Variants in RAB11FIP5 observed in about 807,000 individuals in gnomAD.
RAB11FIP5 encodes rab11 family-interacting protein 5.
RAB11FIP5 carries 48 observed loss-of-function variants against 85.1 expected under a neutral mutation model. The observed-to-expected ratio is 0.56, with a 90% CI of 0.45 to 0.72. The LOEUF (loss-of-function observed/expected upper bound fraction) is 0.72, where lower values mean the gene tolerates loss of function less well. Among genes scored for constraint, RAB11FIP5 ranks in the 30% least tolerant of loss-of-function variants. The probability of loss-of-function intolerance (pLI) is 0.00; values close to 1 mark genes in which losing one functional copy is unlikely to be tolerated. For missense variants in RAB11FIP5, 1,491 were observed against 1,687.0 expected (o/e 0.88, Z 2.04); for synonymous variants, 729 against 727.3 (o/e 1.00, Z -0.04).
chr2:73,107,092 G>A lies in RAB11FIP5; in HGVS notation c.431+5255C>T, dbSNP rs567609232. Among the ~76,000 whole-genome samples, 7 of 152,314 alleles carry A rather than the reference G, an allele frequency of 4.6e-5. No individual in the cohort carries two copies. In the East Asian group the frequency reaches 1.4e-3, roughly 29 times the overall value. On this transcript the variant is annotated intron_variant, in intron 1 of 5. Coordinates refer to ENST00000486777, the MANE Select transcript of RAB11FIP5 (RefSeq NM_001371272.1). ...ATAACCTCAGGCCAGCTCAGTAAGG[G>A]CACTGTGATCAGACTCTTCCCTGAA...
intron 1 of RAB11FIP5, among the ~76,000 whole-genome samples, chr2:73,092,007 G>GT (rs1553364834): frequency 1.3e-5 from 2 of 152,210 alleles, no homozygotes; most frequent in Non-Finnish European, 2.9e-5. Context: ...ACTGGAGGAT[G>GT]TATGTGAGGG....
Position 73,109,026 on chromosome 2 carries a change from C to T in RAB11FIP5, c.431+3321G>A, listed in dbSNP as rs562185879. Among the ~76,000 whole-genome samples, 9 of 151,556 alleles carry T rather than the reference C, an allele frequency of 5.9e-5. No individual in the cohort carries two copies. In the East Asian group the frequency reaches 1.4e-3, roughly 23 times the overall value. ...TGCCACTGCACTCCAACTTGGGCAA[C>T]AGAGTGAGACACTGTCTCAAAAAAG... is the stretch of plus-strand genomic sequence containing the variant. On this transcript the variant is annotated intron_variant, in intron 1 of 5. Transcript: ENST00000486777.
intron 1 of RAB11FIP5, among the ~76,000 whole-genome samples, chr2:73,098,929 T>C (rs1684376718): frequency 6.6e-6 from 1 of 152,220 alleles, no homozygotes; most frequent in African/African-American, 2.4e-5. Context: ...CACAAATATT[T>C]ATACTCATCA....
In RAB11FIP5 at chr2:73,081,177, GCCTGGGTCTTGCAGC is replaced by G. The variant is rs1683971144; in HGVS notation, c.2040_2054del (p.Leu681_Gly685del). On this transcript the variant is annotated inframe_deletion, in exon 4 of 6. Coordinates refer to ENST00000486777, the MANE Select transcript of RAB11FIP5 (RefSeq NM_001371272.1). The surrounding 1 kb of genome is among the most constrained non-coding windows in gnomAD (Gnocchi z 4.2). ...CTGCCTTCGCAGTCATGGCCCCAGGGCCTGGGTCTTGCAGCCCTGCCGCCTCCAGCCCCACTCCTG... is the reference window on the plus strand; with the variant it reads ...CTGCCTTCGCAGTCATGGCCCCAGGGCCTGCCGCCTCCAGCCCCACTCCTG... 3 of 1,232,326 alleles carry G rather than the reference GCCTGGGTCTTGCAGC, an allele frequency of 2.4e-6. No individual in the cohort carries two copies. The East Asian group carries it at 9.5e-5, about 39-fold the overall frequency. 76.3% of individuals were successfully genotyped at this position (1,232,326 alleles called of 1,614,324 possible). A position where few individuals can be genotyped will look rare whatever the true frequency, so the allele number is the denominator to read the frequency against.
At chr2:73,099,178 T>C (rs967782333) in intron 1 of RAB11FIP5, among the ~76,000 whole-genome samples, 1 of 152,056 alleles carries the variant, frequency 6.6e-6, no homozygotes, top group African/African-American at 2.4e-5. Flanking sequence ...GCCTCCCAAG[T>C]AGCTGGGCTT....
intron 1 of RAB11FIP5, among the ~76,000 whole-genome samples, chr2:73,098,175 A>G (rs187847176): frequency 2.0e-5 from 3 of 152,288 alleles, no homozygotes; most frequent in Admixed American, 2.0e-4. Flanking sequence ...TATCTATAAA[A>G]TGATGGTAGC....
At chr2:73,109,501 T>A (rs1684600345) in intron 1 of RAB11FIP5, among the ~76,000 whole-genome samples, 1 of 152,226 alleles carries the variant, frequency 6.6e-6, no homozygotes. Context: ...TGTCTGCTGG[T>A]AAGTCACAGA....
rs1366082942 is a variant in RAB11FIP5, at chr2:73,075,647, C to G, written c.3849G>C (p.Arg1283=). 6.2e-7 allele frequency: 1 copy of G among 1,613,842 alleles called. No individual in the cohort carries two copies. The highest frequency in any genetic ancestry group is 1.3e-5 in the African/African-American group (1 of 74,940). Residue 1283 remains arginine, a synonymous_variant, in exon 6 of 6, where the codon CGG becomes CGC. Transcript: ENST00000486777. The surrounding 1 kb of genome is among the most constrained non-coding windows in gnomAD (Gnocchi z 4.6). ...HDELISLLLQ[R]ERELSQRDEH... ...CGTCCCGCTGGCTCAGCTCCCGCTC[C>G]CGCTGCAGGAGCAGGCTGATGAGCT...
At chr2:73,102,567 C>A (rs1446438026) in intron 1 of RAB11FIP5, among the ~76,000 whole-genome samples, 1 of 152,152 alleles carries the variant, frequency 6.6e-6, no homozygotes, top group East Asian at 1.9e-4. Flanking sequence ...CCTGGGAGCA[C>A]CCCTTTTTCG....
rs1315761717 is a variant in RAB11FIP5 at position 73,079,779 on chromosome 2, A to C, written c.3453T>G (p.His1151Gln). Reference protein sequence around the residue: ...PGEPALLPGPHEPSPPGGSPA... With the variant: ...PGEPALLPGPQEPSPPGGSPA... ...GGGAGCCCCCAGGTGGGGAGGGCTC[A>C]TGGGGGCCAGGGAGTAAGGCTGGCT... The change falls in exon 4 of 6, where the codon CAT becomes CAG. Residue 1151 changes from histidine to glutamine, a missense_variant. By Grantham distance (24) the His-to-Gln change is conservative (BLOSUM62 0). Transcript: ENST00000486777. 1 of 1,232,372 alleles carries C rather than the reference A, an allele frequency of 8.1e-7. No individual in the cohort carries two copies. Among genetic ancestry groups the C allele is most frequent in the Non-Finnish European group, 1.0e-6 (1 of 988,234 alleles). The allele number at this position is 1,232,372 out of a possible 1,614,324, so 76.3% of individuals were successfully genotyped here.
chr2:73,112,124 C>T (rs909737623), intron 1 of RAB11FIP5, among the ~76,000 whole-genome samples: 4 of 152,214 alleles, frequency 2.6e-5, no homozygotes, highest in African/African-American at 9.6e-5. Flanking sequence ...TAAACCTCCC[C>T]CAGGCCTCCC....
At position 73,073,593 on chromosome 2, in the gene RAB11FIP5, CAT is replaced by C. The variant is rs1683780756; in HGVS notation, c.*1926_*1927del. Reference sequence around the variant, plus strand: ...ATTCAAAAACTCCTCTGAAGCCATCCATGCCCTGGGCATTAGGGAGGCCCACA... The same window carrying C: ...ATTCAAAAACTCCTCTGAAGCCATCCGCCCTGGGCATTAGGGAGGCCCACA... On this transcript the variant is annotated 3_prime_UTR_variant, in exon 6 of 6. Transcript: ENST00000486777. 6.6e-6 allele frequency: 1 copy of C among 152,256 alleles called. No individual in the cohort carries two copies. The highest frequency in any genetic ancestry group is 1.5e-5 in the Non-Finnish European group (1 of 68,030). 9.4% of individuals were successfully genotyped at this position (152,256 alleles called of 1,614,324 possible).
intron 1 of RAB11FIP5, among the ~76,000 whole-genome samples, chr2:73,108,002 G>A (rs143317247): frequency 3.4e-4 from 52 of 152,282 alleles, no homozygotes; most frequent in Non-Finnish European, 6.6e-4. Flanking sequence ...CCAGCCTTAG[G>A]CTAATGGGAT....
At chr2:73,108,540 A>G (rs1684575009) in intron 1 of RAB11FIP5, among the ~76,000 whole-genome samples, 2 of 152,056 alleles carry the variant, frequency 1.3e-5, no homozygotes, top group African/African-American at 4.8e-5. Flanking sequence ...CTTACTCCAA[A>G]ACCTTTGCTG....
At chr2:73,088,849 C>A (rs1309775245) in intron 2 of RAB11FIP5, 30 bp downstream of exon 2, 1 of 1,542,570 alleles carries the variant, frequency 6.5e-7, no homozygotes, top group Admixed American at 2.0e-5. Context: ...GTGCCCCCCT[C>A]CCCAGGGCGG....
At chr2:73,106,104 C>T (rs942594328) in intron 1 of RAB11FIP5, among the ~76,000 whole-genome samples, 2 of 152,306 alleles carry the variant, frequency 1.3e-5, no homozygotes, top group East Asian at 3.9e-4. Flanking sequence ...CTCTCCGTGC[C>T]AAGGTTTCCT....
chr2:73,077,642 G>T (rs1343216813), intron 4 of RAB11FIP5, among the ~76,000 whole-genome samples: 1 of 152,140 alleles, frequency 6.6e-6, no homozygotes, highest in African/African-American at 2.4e-5. Context: ...CTTCTGTCTG[G>T]AACAACATTG....
intron 3 of RAB11FIP5, among the ~76,000 whole-genome samples, chr2:73,084,801 A>C (rs564163150): frequency 1.7e-4 from 26 of 152,338 alleles, no homozygotes; most frequent in African/African-American, 5.8e-4. Context: ...CAAGCTCTCT[A>C]CCAGGCAATC....
rs1683985203 is a variant in RAB11FIP5, at chr2:73,081,553, A to ATGGGAGCAGCAG, written c.1667_1678dup (p.Thr556_Pro559dup). 7 of 1,210,590 alleles carry ATGGGAGCAGCAG rather than the reference A, an allele frequency of 5.8e-6. No individual in the cohort carries two copies. The East Asian group carries it at 1.6e-4, about 27-fold the overall frequency. 75.0% of individuals were successfully genotyped at this position (1,210,590 alleles called of 1,614,324 possible). A position where few individuals can be genotyped will look rare whatever the true frequency, so the allele number is the denominator to read the frequency against. On this transcript the variant is annotated inframe_insertion, in exon 4 of 6. Coordinates refer to ENST00000486777, the MANE Select transcript of RAB11FIP5 (RefSeq NM_001371272.1). The surrounding 1 kb of genome is among the most constrained non-coding windows in gnomAD (Gnocchi z 4.2). ...GGCTGCAAAAAGGTTAGTGCTTAGC[A>ATGGGAGCAGCAG]TGGGAGCAGCAGTGGGAGCAGGAGT...
Sources: gnomAD v4.1 joint callset for allele counts (sites outside exome capture counted in the v4.1 genomes callset) on GRCh38, gnomAD v4.1.1 for gene constraint, Gnocchi (gnomAD v3.1) non-coding constraint, MANE v1.5 for transcripts, NCBI Gene and HGNC (gene_info 2026-07-23, HGNC 2026-07-21) for gene names.